The following KCNG3 variants were observed in gnomAD, a reference collection of about 807,000 sequenced individuals.
KCNG3 encodes potassium voltage-gated channel modifier subfamily G member 3, also known as voltage-gated potassium channel regulatory subunit KCNG3.
Under a neutral mutation model 29.0 loss-of-function variants are expected in KCNG3, and 15 were observed. The ratio of observed to expected loss-of-function variants is 0.52; its 90% CI spans 0.35 to 0.80. KCNG3 has a LOEUF of 0.80. KCNG3 is among the 30% of genes least tolerant of loss of function. KCNG3 has a pLI of 0.01. For missense variants in KCNG3, 512 were observed against 605.7 expected, an observed-to-expected ratio of 0.85 and a Z score of 1.62; for synonymous variants, 322 against 248.9, an observed-to-expected ratio of 1.29 and a Z score of -2.76.
At chr2:42,425,716 G>A in the KCNG3 span, among the ~76,000 whole-genome samples, 1 of 152,006 alleles carries the variant, frequency 6.6e-6, no homozygotes, top group African/African-American at 2.4e-5. Context: ...TTCTTACCAC[G>A]GAGAAGAAGA....
At chr2:42,459,647 A>C (rs1672966948) in intron 1 of KCNG3, among the ~76,000 whole-genome samples, 1 of 152,210 alleles carries the variant, frequency 6.6e-6, no homozygotes, top group Admixed American at 6.5e-5. Flanking sequence ...GAGGTGCATA[A>C]AGATAAACTA....
chr2:42,454,657 A>G (rs1179070549), intron 1 of KCNG3, among the ~76,000 whole-genome samples: 1 of 152,096 alleles, frequency 6.6e-6, no homozygotes, highest in Non-Finnish European at 1.5e-5. Flanking sequence ...GGTTGCAGTG[A>G]GCCAAGATCG....
chr2:42,470,545 A>G (rs1219340770), intron 1 of KCNG3, among the ~76,000 whole-genome samples: 6 of 152,166 alleles, frequency 3.9e-5, no homozygotes, highest in Non-Finnish European at 7.3e-5. Flanking sequence ...GCAATACACA[A>G]TCAGTACCTA....
At chr2:42,417,828 C>G in the KCNG3 span, among the ~76,000 whole-genome samples, 1 of 151,716 alleles carries the variant, frequency 6.6e-6, no homozygotes, top group Admixed American at 6.6e-5. Flanking sequence ...AAAAATTAAC[C>G]GGGCTTGGTG....
intron 1 of KCNG3, among the ~76,000 whole-genome samples, chr2:42,464,530 C>T (rs76715096): frequency 1.3e-5 from 2 of 152,208 alleles, no homozygotes; most frequent in Non-Finnish European, 2.9e-5. Context: ...TGAGGTATTG[C>T]TGACTCCTAA....
the KCNG3 span, among the ~76,000 whole-genome samples, chr2:42,399,187 G>C: frequency 5.3e-5 from 8 of 151,284 alleles, no homozygotes; most frequent in African/African-American, 1.7e-4. Context: ...TTTCCGAGTA[G>C]CTGGGACCAT....
At chr2:42,452,542 G>T (rs1672786588) in intron 1 of KCNG3, among the ~76,000 whole-genome samples, 1 of 151,124 alleles carries the variant, frequency 6.6e-6, no homozygotes, top group South Asian at 2.1e-4. Context: ...CTAAGCCTCT[G>T]GTAACCATCC....
At chr2:42,463,607 C>G (rs1221409676) in intron 1 of KCNG3, 1 of 171,792 alleles carries the variant, frequency 5.8e-6, no homozygotes, top group African/African-American at 2.4e-5. Flanking sequence ...GAAGCCTCAA[C>G]AATCCACGGT....
chr2:42,401,813 G>A, the KCNG3 span, among the ~76,000 whole-genome samples: 2 of 152,110 alleles, frequency 1.3e-5, no homozygotes, highest in African/African-American at 4.8e-5. Flanking sequence ...GAACCCAGAA[G>A]GTGGAGGTTT....
At chr2:42,488,641 C>T (rs1024671075) in intron 1 of KCNG3, among the ~76,000 whole-genome samples, 44 of 152,118 alleles carry the variant, frequency 2.9e-4, no homozygotes, top group African/African-American at 1.0e-3. Context: ...CCTCCGCCTC[C>T]CAGGTTCAAG....
intron 1 of KCNG3, among the ~76,000 whole-genome samples, chr2:42,460,526 C>T (rs1188031108): frequency 1.3e-5 from 2 of 152,072 alleles, no homozygotes; most frequent in Admixed American, 1.3e-4. Flanking sequence ...GTAATAAATG[C>T]TATAATTGAT....
chr2:42,435,587 AT>A, the KCNG3 span, among the ~76,000 whole-genome samples: 1 of 152,124 alleles, frequency 6.6e-6, no homozygotes, highest in African/African-American at 2.4e-5. Context: ...TAAAAAACCT[AT>A]TTTTTTAAGG....
chr2:42,483,172 T>C (rs1167210932), intron 1 of KCNG3, among the ~76,000 whole-genome samples: 1 of 152,140 alleles, frequency 6.6e-6, no homozygotes, highest in Non-Finnish European at 1.5e-5. Flanking sequence ...TTACGTTGTT[T>C]CCAGATGTTT....
At chr2:42,413,301 A>G in the KCNG3 span, among the ~76,000 whole-genome samples, 1 of 152,162 alleles carries the variant, frequency 6.6e-6, no homozygotes, top group Non-Finnish European at 1.5e-5. Context: ...TGTCCCTCAT[A>G]AATAGTATTT....
chr2:42,483,416 T>C (rs1380653996), intron 1 of KCNG3, among the ~76,000 whole-genome samples: 4 of 152,242 alleles, frequency 2.6e-5, no homozygotes, highest in Admixed American at 6.5e-5. Context: ...TATGTGGAAA[T>C]GATCGTGTTC....
the KCNG3 span, among the ~76,000 whole-genome samples, chr2:42,402,735 C>G: frequency 6.6e-6 from 1 of 152,122 alleles, no homozygotes; most frequent in Non-Finnish European, 1.5e-5. Flanking sequence ...TGTTTTGGGG[C>G]TCTTTGTTCT....
chr2:42,470,838 C>G (rs907431418), intron 1 of KCNG3, among the ~76,000 whole-genome samples: 1 of 151,556 alleles, frequency 6.6e-6, no homozygotes, highest in African/African-American at 2.4e-5. Context: ...GCCTGGACAA[C>G]AGAGCAAGAC....
intron 1 of KCNG3, among the ~76,000 whole-genome samples, chr2:42,479,528 C>A (rs1018676337): frequency 6.6e-6 from 1 of 151,786 alleles, no homozygotes. Flanking sequence ...TGCTTGTAGT[C>A]CCAGCCACTT....
chr2:42,456,820 A>T (rs908810592), intron 1 of KCNG3, among the ~76,000 whole-genome samples: 3 of 152,212 alleles, frequency 2.0e-5, no homozygotes, highest in African/African-American at 7.2e-5. Context: ...TAACAACACA[A>T]GGCACAATAA....
Sources: allele counts gnomAD v4.1 joint callset (sites outside exome capture counted in the v4.1 genomes callset), GRCh38; gene constraint gnomAD v4.1.1; transcripts MANE v1.5; gene names NCBI Gene and HGNC (gene_info 2026-07-23, HGNC 2026-07-21).